The following ASCC3 variants were observed in gnomAD, a reference collection of about 807,000 sequenced individuals.
The protein encoded by ASCC3 is activating signal cointegrator 1 complex subunit 3, also known as ASC-1 complex subunit P200.
In ASCC3, 158 loss-of-function variants were observed where a neutral mutation model predicts 256.3. The observed-to-expected ratio is 0.62, with a 90% confidence interval of 0.54 to 0.70. The LOEUF (loss-of-function observed/expected upper bound fraction) is 0.70. Ranked by LOEUF, ASCC3 falls within the 30% of genes least tolerant of loss-of-function variation. ASCC3 has a pLI of 0.00. For missense variants in ASCC3, 2,259 were observed against 2,626.0 expected, an observed-to-expected ratio of 0.86 and a Z score of 3.05; for synonymous variants, 948 against 883.4, an observed-to-expected ratio of 1.07 and a Z score of -1.30.
At chr6:100,879,630 G>GA (rs1769186231) in intron 1 of ASCC3, among the ~76,000 whole-genome samples, 1 of 151,794 alleles carries the variant, frequency 6.6e-6, no homozygotes, top group African/African-American at 2.4e-5. Flanking sequence ...AGACTGGAAA[G>GA]AAACTGATTT....
At chr6:100,608,117 T>TTTGTATATATGTATATA (rs1562161146) in intron 30 of ASCC3, among the ~76,000 whole-genome samples, 519 of 47,800 alleles carry the variant, frequency 0.011, 14 homozygotes, top group East Asian at 0.024. Context: ...TGTATATATA[T>TTTGTATATATGTATATA]CTATATATAC....
In ASCC3 at chr6:100,530,866, A is replaced by G. The variant is rs535294077; in HGVS notation, c.5775+9297T>C. The G allele has an allele frequency of 4.7e-5, 61 of 1,288,136 alleles. No homozygotes were observed. The African/African-American group carries it at 8.7e-4, about 18-fold the overall frequency. The allele number at this position is 1,288,136 out of a possible 1,614,324, so 79.8% of individuals were successfully genotyped here. A position where few individuals can be genotyped will look rare whatever the true frequency, so the allele number is the denominator to read the frequency against. On this transcript the variant is annotated intron_variant, in intron 37 of 41. Transcript: ENST00000369162. ...AGATTTAAATTCTTAGACTTATGGA[A>G]TAAATTTTTGTGGAACATCACAAAC...
chr6:100,815,407 A>G (rs1052929099), intron 4 of ASCC3, among the ~76,000 whole-genome samples: 17 of 152,080 alleles, frequency 1.1e-4, no homozygotes, highest in African/African-American at 4.1e-4. Context: ...AGAACTAAAA[A>G]AAAAAACTAT....
intron 36 of ASCC3, among the ~76,000 whole-genome samples, chr6:100,552,722 A>G (rs1478091800): frequency 1.3e-5 from 2 of 151,992 alleles, no homozygotes; most frequent in Non-Finnish European, 1.5e-5. Flanking sequence ...ATACAGCTGG[A>G]ATGCAACATT....
chr6:100,851,025 A>AT (rs1175933487), intron 3 of ASCC3, among the ~76,000 whole-genome samples: 1 of 152,084 alleles, frequency 6.6e-6, no homozygotes, highest in Non-Finnish European at 1.5e-5. Flanking sequence ...GCATCTTGGG[A>AT]TTTTTTTAAA....
At position 100,589,472 on chromosome 6, in the gene ASCC3, T is replaced by C. The variant is rs1037185727; in HGVS notation, c.5550+162A>G. Among the ~76,000 whole-genome samples, 8 of 152,258 alleles carry C rather than the reference T, an allele frequency of 5.3e-5. 1 individual carries two copies. The highest frequency in any genetic ancestry group is 5.2e-4 in the Admixed American group (8 of 15,294). Reference sequence around the variant, plus strand: ...TGGATCATAAATTATGTGGTCACCTTATCTATGGGTATCTTAGTCTAGATG... The same window carrying C: ...TGGATCATAAATTATGTGGTCACCTCATCTATGGGTATCTTAGTCTAGATG... On this transcript the variant is annotated intron_variant, in intron 36 of 41. Coordinates refer to ENST00000369162, the MANE Select transcript of ASCC3 (RefSeq NM_006828.4).
chr6:100,720,699 T>A (rs190672665), intron 11 of ASCC3, among the ~76,000 whole-genome samples: 4 of 151,696 alleles, frequency 2.6e-5, no homozygotes, highest in Admixed American at 2.6e-4. Flanking sequence ...ACCATTTTTC[T>A]TAAGATAACA....
At chr6:100,585,961 T>C (rs1771640975) in intron 36 of ASCC3, among the ~76,000 whole-genome samples, 2 of 152,114 alleles carry the variant, frequency 1.3e-5, no homozygotes, top group Admixed American at 1.3e-4. Context: ...AGAGGAGTAC[T>C]CGGCCATGTG....
intron 18 of ASCC3, among the ~76,000 whole-genome samples, 160 bp from the exon 19 acceptor site, chr6:100,651,806 A>G (rs952726250): frequency 1.3e-5 from 2 of 152,060 alleles, no homozygotes; most frequent in African/African-American, 4.8e-5. Context: ...CTTTATAAAC[A>G]TCAACAAATT....
intron 20 of ASCC3, among the ~76,000 whole-genome samples, chr6:100,649,835 T>C (rs1775568710): frequency 6.6e-6 from 1 of 151,676 alleles, no homozygotes; most frequent in Non-Finnish European, 1.5e-5. Flanking sequence ...AAAGTATGTC[T>C]AGAAGGGAAA....
At chr6:100,810,915 GTAAA>G (rs1562313474) in intron 4 of ASCC3, among the ~76,000 whole-genome samples, 1 of 152,062 alleles carries the variant, frequency 6.6e-6, no homozygotes, top group East Asian at 1.9e-4. Context: ...ATAAAAGCAA[GTAAA>G]TAGTCTAGAC....
rs761289174 is a variant in ASCC3 at position 100,629,159 on chromosome 6, C to T, written c.4231G>A (p.Val1411Met). 3 of 1,613,570 alleles carry T rather than the reference C, an allele frequency of 1.9e-6. No homozygotes were observed. The South Asian group carries it at 3.3e-5, about 18-fold the overall frequency. The change falls in exon 27 of 42, where the codon GTG becomes ATG. Residue 1411 changes from valine (V) to methionine (M), a missense_variant. Val to Met is a conservative substitution (Grantham distance 21, BLOSUM62 1). Around this residue, in one of 2 missense-constraint regions of ASCC3, gnomAD observed 1,839 missense variants for 2,206.7 expected, o/e 0.83. Coordinates refer to ENST00000369162, the MANE Select transcript of ASCC3 (RefSeq NM_006828.4). ...GKKVIELTGD[V>M]TPDMKSIAKA... is the part of the protein sequence containing the mutation. Reference sequence around the variant, plus strand: ...GCAATGGATTTCATATCAGGAGTCACATCCCCTGTTAGTTCAATAACTCTG... The same window carrying T: ...GCAATGGATTTCATATCAGGAGTCATATCCCCTGTTAGTTCAATAACTCTG...
At chr6:100,805,964 G>A (rs779335386) in intron 4 of ASCC3, 84 bp from the exon 5 acceptor site, 50 of 1,352,032 alleles carry the variant, frequency 3.7e-5, no homozygotes, top group Non-Finnish European at 5.0e-5. Flanking sequence ...TTCAACAGAG[G>A]TGTAAAGCCA....
intron 19 of ASCC3, 151 bp from the exon 20 acceptor site, chr6:100,650,865 C>A: frequency 1.5e-6 from 1 of 672,090 alleles, no homozygotes; most frequent in South Asian, 1.8e-5. Flanking sequence ...ATGATTTTTC[C>A]ATAGGTAGCT....
At chr6:100,723,803 G>C (rs898825110) in intron 11 of ASCC3, among the ~76,000 whole-genome samples, 7 of 146,108 alleles carry the variant, frequency 4.8e-5, no homozygotes, top group Non-Finnish European at 9.0e-5. Context: ...ATGTTTATGG[G>C]ATATCAGAGT....
At chr6:100,759,619 G>A (rs1339879706) in intron 10 of ASCC3, among the ~76,000 whole-genome samples, 2 of 152,120 alleles carry the variant, frequency 1.3e-5, no homozygotes, top group East Asian at 1.9e-4. Flanking sequence ...TTTTTGCTTA[G>A]GATTGTCTTG....
At position 100,777,155 on chromosome 6, in the gene ASCC3, T is replaced by C. The variant is rs79692504; in HGVS notation, c.1396-9810A>G. ...TTAACATACTTGAGTATTCATTAGA[T>C]GATCAGATGATTTTCTTTTAGATAA... On this transcript the variant is annotated intron_variant, in intron 8 of 41. Coordinates refer to ENST00000369162, the MANE Select transcript of ASCC3 (RefSeq NM_006828.4). Among the ~76,000 whole-genome samples the C allele has an allele frequency of 4.7e-3, 712 of 152,288 alleles. 3 individuals carry two copies. The highest frequency in any genetic ancestry group is 7.3e-3 in the Non-Finnish European group (494 of 67,976).
intron 36 of ASCC3, among the ~76,000 whole-genome samples, chr6:100,542,449 G>A (rs918627249): frequency 5.9e-5 from 9 of 152,290 alleles, no homozygotes; most frequent in Non-Finnish European, 1.2e-4. Flanking sequence ...TTGGGAGGCT[G>A]AGGCCAGCGG....
At position 100,652,791 on chromosome 6, in the gene ASCC3, T is replaced by A. The variant is rs1464033600; in HGVS notation, c.2922A>T (p.Gly974=). The change falls in exon 18 of 42, where the codon GGA becomes GGT. Residue 974 remains glycine, a synonymous_variant. Coordinates refer to ENST00000369162, the MANE Select transcript of ASCC3 (RefSeq NM_006828.4). ...TACCCAAATCAGTTGAGGAAAAATA[T>A]CCAGTTCGCTCCTCAAAACGAATCA... ...AQMIRFEERT[G]YFSSTDLGRT... is the part of the protein sequence containing the mutation. The A allele has an allele frequency of 1.1e-5, 17 of 1,613,792 alleles. No individual in the cohort carries two copies. The highest frequency in any genetic ancestry group is 1.4e-5 in the Non-Finnish European group (17 of 1,179,938).
Sources: gnomAD v4.1 joint callset for allele counts (sites outside exome capture counted in the v4.1 genomes callset) on GRCh38, gnomAD v4.1.1 for gene constraint, gnomAD v4.1.1 regional missense constraint, MANE v1.5 for transcripts, NCBI Gene and HGNC (gene_info 2026-07-23, HGNC 2026-07-21) for gene names.